The following ADGRB1 variants were observed in gnomAD, a reference collection of about 807,000 sequenced individuals.
The protein encoded by ADGRB1 is adhesion G protein-coupled receptor B1.
A neutral mutation model predicts 175.7 loss-of-function variants in ADGRB1; 36 were observed. The ratio of observed to expected loss-of-function variants is 0.20; its 90% confidence interval spans 0.16 to 0.27. The LOEUF (loss-of-function observed/expected upper bound fraction) is 0.27. ADGRB1 is among the 10% of genes least tolerant of loss of function. The pLI is 1.00. For synonymous variants in ADGRB1, 1,054 were observed against 979.4 expected (o/e 1.08, Z -1.42); for missense variants, 1,731 against 2,255.3 (o/e 0.77, Z 4.71).
rs962771352 is a variant in ADGRB1 at position 142,544,324 on chromosome 8, G to C, written c.4662G>C (p.Ser1554=). ...VKKELEPLQP[S]PLELRSVEWE... Reference sequence around the variant, plus strand: ...AGGAGCTGGAGCCGCTGCAGCCGTCGCCGCTGGAGCTTCGCAGCGTGGAGT... The same window carrying C: ...AGGAGCTGGAGCCGCTGCAGCCGTCCCCGCTGGAGCTTCGCAGCGTGGAGT... The change falls in exon 31 of 31, where the codon TCG becomes TCC. Residue 1554 remains serine, a synonymous_variant. Coordinates refer to ENST00000517894, the MANE Select transcript of ADGRB1 (RefSeq NM_001702.3). 2 of 1,548,544 alleles carry C rather than the reference G, an allele frequency of 1.3e-6. No homozygotes were observed. The highest frequency in any genetic ancestry group is 1.4e-5 in the African/African-American group (1 of 72,974).
intron 18 of ADGRB1, among the ~76,000 whole-genome samples, chr8:142,515,371 G>A (rs182536101): frequency 1.1e-4 from 16 of 152,296 alleles, no homozygotes; most frequent in Admixed American, 8.5e-4. Flanking sequence ...CTTCTTCATC[G>A]CCTGGAACCT....
intron 22 of ADGRB1, 118 bp from the exon 23 acceptor site, chr8:142,524,120 A>G (rs549961443): frequency 2.7e-5 from 31 of 1,150,818 alleles, no homozygotes; most frequent in African/African-American, 7.6e-5. Flanking sequence ...AAGGCGCTTA[A>G]TAAGTGCCAG....
At chr8:142,475,373 C>T (rs940617235) in intron 2 of ADGRB1, 101 bp from the exon 3 acceptor site, 41 of 1,177,758 alleles carry the variant, frequency 3.5e-5, no homozygotes, top group Non-Finnish European at 4.3e-5. Context: ...GGCCCCTCCC[C>T]ACCCGGGCCG....
chr8:142,484,472 C>T lies in ADGRB1; in HGVS notation c.2200-184C>T, dbSNP rs544257757. 5.3e-5 allele frequency among the ~76,000 whole-genome samples: 8 copies of T among 152,342 alleles called. No homozygotes were observed. In the South Asian group the frequency reaches 1.7e-3, roughly 32 times the overall value. On this transcript the variant is annotated intron_variant, in intron 12 of 30. Transcript: ENST00000517894. ...TCCTGGGCTTCCCATGGGTGGGGCACAGCAGCCCCTCTGGGCATCTGCTTT... is the reference window on the plus strand; with the variant it reads ...TCCTGGGCTTCCCATGGGTGGGGCATAGCAGCCCCTCTGGGCATCTGCTTT...
chr8:142,542,972 C>T lies in ADGRB1; in HGVS notation c.4413+325C>T, dbSNP rs1845370811. Reference sequence around the variant, plus strand: ...GGCAGCACATACCTGCCTAGGTCAGCCTGGAGCCTGCAGCTGACCCAGCCT... The same window carrying T: ...GGCAGCACATACCTGCCTAGGTCAGTCTGGAGCCTGCAGCTGACCCAGCCT... On this transcript the variant is annotated intron_variant, in intron 28 of 30. Coordinates refer to ENST00000517894, the MANE Select transcript of ADGRB1 (RefSeq NM_001702.3). This position sits in a 1 kb window ranked among gnomAD's most constrained non-coding sequence, Gnocchi z 6.3. 6.6e-6 allele frequency among the ~76,000 whole-genome samples: 1 copy of T among 152,220 alleles called. No homozygotes were observed. The highest frequency in any genetic ancestry group is 1.5e-5 in the Non-Finnish European group (1 of 68,032).
chr8:142,539,781 C>A (rs1233765839), intron 27 of ADGRB1: 3 of 367,574 alleles, frequency 8.2e-6, no homozygotes, highest in Non-Finnish European at 1.5e-5. Context: ...CCTAGTGCCG[C>A]TCCCCCCCCC....
chr8:142,523,349 G>A (rs1249895613), intron 22 of ADGRB1, among the ~76,000 whole-genome samples: 1 of 151,878 alleles, frequency 6.6e-6, no homozygotes. Flanking sequence ...GCTGCAGGGA[G>A]GGGAGCAGTG....
At chr8:142,453,410 A>G (rs1839477943) in intron 1 of ADGRB1, among the ~76,000 whole-genome samples, 1 of 152,072 alleles carries the variant, frequency 6.6e-6, no homozygotes, top group African/African-American at 2.4e-5. Flanking sequence ...GGAAAACTCC[A>G]ACACCTGACC....
At position 142,477,127 on chromosome 8, in the gene ADGRB1, C is replaced by T. The variant is rs754066980; in HGVS notation, c.1071C>T (p.Ala357=). ...FPAPQTGDPA[A]EEWSPWSVCS... Reference sequence around the variant, plus strand: ...TGGGGCCTGCAGGTGACCCAGCAGCCGAGGAGTGGTCCCCGTGGAGCGTGT... The same window carrying T: ...TGGGGCCTGCAGGTGACCCAGCAGCTGAGGAGTGGTCCCCGTGGAGCGTGT... Residue 357 remains alanine, a synonymous_variant, in exon 5 of 31, where the codon GCC becomes GCT. Coordinates refer to ENST00000517894, the MANE Select transcript of ADGRB1 (RefSeq NM_001702.3). 10 of 1,578,384 alleles carry T rather than the reference C, an allele frequency of 6.3e-6. No homozygotes were observed. The highest frequency in any genetic ancestry group is 3.4e-5 in the South Asian group (3 of 88,474).
At chr8:142,534,217 G>A (rs937528453) in intron 25 of ADGRB1, among the ~76,000 whole-genome samples, 2 of 152,212 alleles carry the variant, frequency 1.3e-5, no homozygotes, top group Admixed American at 6.5e-5. Context: ...GGAGCCAGAC[G>A]GTGTCAGGAG....
At chr8:142,459,161 G>A (rs1839840565) in intron 1 of ADGRB1, among the ~76,000 whole-genome samples, 1 of 152,222 alleles carries the variant, frequency 6.6e-6, no homozygotes, top group East Asian at 1.9e-4. Context: ...AACCTTCAGG[G>A]TCCCTGACTG....
intron 2 of ADGRB1, among the ~76,000 whole-genome samples, chr8:142,469,812 G>A (rs1438869532): frequency 6.6e-6 from 1 of 152,176 alleles, no homozygotes; most frequent in African/African-American, 2.4e-5. Context: ...TGGGGGGGAT[G>A]GGGTGGCATG....
chr8:142,516,192 GGGGCCCCAGGTGCATGCGTGTGTGC>G (rs1433104285), intron 18 of ADGRB1, among the ~76,000 whole-genome samples: 51 of 130,662 alleles, frequency 3.9e-4, no homozygotes, highest in Non-Finnish European at 6.8e-4. Flanking sequence ...TGCGTGTGTG[GGGGCCCCAGGTGCATGCGTGTGTGC>G]GGGCCCCAGG....
chr8:142,470,762 C>G (rs1451004748), intron 2 of ADGRB1, among the ~76,000 whole-genome samples: 1 of 152,096 alleles, frequency 6.6e-6, no homozygotes, highest in Non-Finnish European at 1.5e-5. Context: ...GGGGCTGTGA[C>G]CGGCCACGGA....
chr8:142,507,430 G>C (rs1842899458), intron 17 of ADGRB1, among the ~76,000 whole-genome samples: 1 of 152,240 alleles, frequency 6.6e-6, no homozygotes, highest in South Asian at 2.1e-4. Flanking sequence ...CTGCCAGCCT[G>C]ACCAGCTAGC....
chr8:142,526,661 C>G (rs375786793), intron 24 of ADGRB1, 34 bp downstream of exon 24: 17 of 1,583,480 alleles, frequency 1.1e-5, no homozygotes, highest in Middle Eastern at 1.7e-4. Flanking sequence ...CTTGCCCACC[C>G]GGAGTGCAAG....
intron 17 of ADGRB1, among the ~76,000 whole-genome samples, chr8:142,509,031 G>A (rs1012684459): frequency 1.4e-4 from 21 of 152,222 alleles, no homozygotes; most frequent in African/African-American, 5.1e-4. Context: ...CCCCTAGGAG[G>A]CGGAGAAGAT....
chr8:142,519,073 C>A (rs1468496840), intron 19 of ADGRB1, among the ~76,000 whole-genome samples: 1 of 152,096 alleles, frequency 6.6e-6, no homozygotes, highest in Non-Finnish European at 1.5e-5. Context: ...TCTCCACTGT[C>A]CTGCCTGAGG....
chr8:142,468,032 A>G (rs1317872062), intron 2 of ADGRB1, among the ~76,000 whole-genome samples: 1 of 152,250 alleles, frequency 6.6e-6, no homozygotes, highest in African/African-American at 2.4e-5. Context: ...GGTGGTGCTC[A>G]GAAAGAGGTG....
Sources: allele counts gnomAD v4.1 joint callset (sites outside exome capture counted in the v4.1 genomes callset), GRCh38; gene constraint gnomAD v4.1.1; non-coding constraint Gnocchi (gnomAD v3.1); transcripts MANE v1.5; gene names NCBI Gene and HGNC (gene_info 2026-07-23, HGNC 2026-07-21).